Variants in GRM7 observed in about 807,000 individuals in gnomAD.
GRM7 encodes metabotropic glutamate receptor 7.
GRM7 carries 35 observed loss-of-function variants against 84.5 expected under a neutral mutation model. The ratio of observed to expected loss-of-function variants is 0.41; its 90% confidence interval spans 0.32 to 0.55. The LOEUF (loss-of-function observed/expected upper bound fraction) is 0.55, where lower values mean the gene tolerates loss of function less well. GRM7 is among the 20% of genes least tolerant of loss of function. The pLI is 0.19. For missense variants in GRM7, 1,003 were observed against 1,194.6 expected, an observed-to-expected ratio of 0.84 and a Z score of 2.36; for synonymous variants, 487 against 455.1, an observed-to-expected ratio of 1.07 and a Z score of -0.89.
intron 7 of GRM7, among the ~76,000 whole-genome samples, chr3:7,495,600 T>C (rs1338660846): frequency 6.6e-6 from 1 of 152,048 alleles, no homozygotes; most frequent in African/African-American, 2.4e-5. Context: ...AAAAAGAATC[T>C]CAGGGCCAGC....
chr3:7,667,946 A>G (rs963655774), intron 8 of GRM7, among the ~76,000 whole-genome samples: 14 of 152,180 alleles, frequency 9.2e-5, no homozygotes, highest in Non-Finnish European at 1.9e-4. Flanking sequence ...TGAGGAGACA[A>G]TTAGGTGCTA....
rs563349075 is a variant in GRM7, at chr3:7,387,641, T to C, written c.1034-27382T>C. Among the ~76,000 whole-genome samples the C allele has an allele frequency of 5.9e-5, 9 of 152,340 alleles. No individual in the cohort carries two copies. The South Asian group carries it at 8.3e-4, about 14-fold the overall frequency. On this transcript the variant is annotated intron_variant, in intron 4 of 9. Coordinates refer to ENST00000357716, the MANE Select transcript of GRM7 (RefSeq NM_000844.4). Reference sequence around the variant, plus strand: ...GGGGGTCTGTATTCTGTTCCATTGGTCTAAGTGTTTATTTTTGTACCAGTA... The same window carrying C: ...GGGGGTCTGTATTCTGTTCCATTGGCCTAAGTGTTTATTTTTGTACCAGTA...
chr3:7,705,473 T>C (rs563337679), intron 9 of GRM7, among the ~76,000 whole-genome samples: 178 of 152,192 alleles, frequency 1.2e-3, no homozygotes, highest in African/African-American at 3.9e-3. Context: ...GGGACACAGG[T>C]TACCAATTGA....
rs962200795 is a variant in GRM7, at chr3:7,151,081, C to T, written c.736+4413C>T. ...TTAACATAGTTGTATTTCAATTGTT[C>T]TTATAAAGTAATTATTATTATTCAG... On this transcript the variant is annotated intron_variant, in intron 2 of 9. Transcript: ENST00000357716. This position sits in a 1 kb window ranked among gnomAD's most constrained non-coding sequence, Gnocchi z 4.5. 2.6e-5 allele frequency among the ~76,000 whole-genome samples: 4 copies of T among 152,060 alleles called. No homozygotes were observed. The highest frequency in any genetic ancestry group is 5.9e-5 in the Non-Finnish European group (4 of 68,016).
chr3:7,508,412 A>T (rs1700098583), intron 7 of GRM7, among the ~76,000 whole-genome samples: 1 of 152,286 alleles, frequency 6.6e-6, no homozygotes, highest in Middle Eastern at 3.4e-3. Flanking sequence ...AACAAAAATA[A>T]TTTTTTGTCA....
chr3:7,286,478 A>C (rs1171706008), intron 2 of GRM7, among the ~76,000 whole-genome samples: 1 of 152,192 alleles, frequency 6.6e-6, no homozygotes, highest in African/African-American at 2.4e-5. Flanking sequence ...CAGCTACTTC[A>C]AAAGCTTTGG....
At chr3:7,033,243 A>G (rs1696251723) in intron 1 of GRM7, among the ~76,000 whole-genome samples, 4 of 152,064 alleles carry the variant, frequency 2.6e-5, no homozygotes, top group Admixed American at 1.3e-4. Flanking sequence ...GTCCACCTTA[A>G]TCTAGTATAA....
chr3:6,927,272 A>C (rs534640568), intron 1 of GRM7, among the ~76,000 whole-genome samples: 49 of 152,072 alleles, frequency 3.2e-4, no homozygotes, highest in African/African-American at 1.1e-3. Context: ...TACTAAAAAC[A>C]CAAAAATTAG....
At chr3:7,074,385 T>G (rs559283671) in intron 1 of GRM7, among the ~76,000 whole-genome samples, 37 of 152,312 alleles carry the variant, frequency 2.4e-4, no homozygotes, top group African/African-American at 8.7e-4. Flanking sequence ...GGAAACATTC[T>G]ATGTGGGCTG....
chr3:7,545,226 T>C (rs1443627180), intron 7 of GRM7, among the ~76,000 whole-genome samples: 1 of 152,246 alleles, frequency 6.6e-6, no homozygotes, highest in Non-Finnish European at 1.5e-5. Context: ...TTTCAGAGAT[T>C]TATTTTCCTC....
chr3:7,047,124 C>T (rs1206699777), intron 1 of GRM7, among the ~76,000 whole-genome samples: 1 of 151,784 alleles, frequency 6.6e-6, no homozygotes, highest in Non-Finnish European at 1.5e-5. Flanking sequence ...CAAATCTGCC[C>T]CACTACCTGT....
intron 2 of GRM7, among the ~76,000 whole-genome samples, chr3:7,264,888 T>G (rs1292796372): frequency 6.6e-6 from 1 of 152,220 alleles, no homozygotes; most frequent in East Asian, 1.9e-4. Flanking sequence ...CATTACACCT[T>G]CCTGCTATAG....
intron 8 of GRM7, among the ~76,000 whole-genome samples, chr3:7,600,600 T>C (rs1696264018): frequency 6.6e-6 from 1 of 152,104 alleles, no homozygotes; most frequent in Admixed American, 6.6e-5. Flanking sequence ...CTGGTGTTCT[T>C]CTCCTCCTCT....
intron 1 of GRM7, among the ~76,000 whole-genome samples, chr3:6,973,921 TGATAG>T (rs1452661505): frequency 6.6e-6 from 1 of 152,172 alleles, no homozygotes; most frequent in Non-Finnish European, 1.5e-5. Flanking sequence ...TGGCATTATC[TGATAG>T]GCTGGTGTGT....
At chr3:6,962,182 C>G (rs1693328316) in intron 1 of GRM7, among the ~76,000 whole-genome samples, 2 of 152,146 alleles carry the variant, frequency 1.3e-5, no homozygotes, top group African/African-American at 4.8e-5. Flanking sequence ...ACTTGTTTGT[C>G]TACTCCCACC....
Position 7,151,290 on chromosome 3 carries a change from C to T in GRM7, c.736+4622C>T, listed in dbSNP as rs1209154517. ...GGCATGGTGGCATGCACCTGTAATC[C>T]CAGCTACTGGCGAGGCTGAGGCGGG... On this transcript the variant is annotated intron_variant, in intron 2 of 9. Coordinates refer to ENST00000357716, the MANE Select transcript of GRM7 (RefSeq NM_000844.4). The surrounding 1 kb of genome is among the most constrained non-coding windows in gnomAD (Gnocchi z 4.5). Among the ~76,000 whole-genome samples, 1 of 152,022 alleles carries T rather than the reference C, an allele frequency of 6.6e-6. No individual in the cohort carries two copies. Among genetic ancestry groups the T allele is most frequent in the East Asian group, 1.9e-4 (1 of 5,174 alleles).
At chr3:7,452,570 GT>G in intron 5 of GRM7, 36 bp from the exon 6 acceptor site, 1 of 1,225,842 alleles carries the variant, frequency 8.2e-7, no homozygotes, top group Non-Finnish European at 1.2e-6. Flanking sequence ...GTGTGTGTGT[GT>G]GTGTGTGTGT....
At chr3:7,244,200 CTT>C (rs542522049) in intron 2 of GRM7, among the ~76,000 whole-genome samples, 383 of 152,174 alleles carry the variant, frequency 2.5e-3, no homozygotes, top group African/African-American at 8.6e-3. Context: ...ACTTTTAACT[CTT>C]TTAACTTTTT....
intron 8 of GRM7, among the ~76,000 whole-genome samples, chr3:7,631,691 A>G (rs1697866952): frequency 1.3e-5 from 2 of 152,140 alleles, no homozygotes; most frequent in Admixed American, 1.3e-4. Context: ...AGGATATATA[A>G]CAACATCCCA....
Sources: gnomAD v4.1 joint callset for allele counts (sites outside exome capture counted in the v4.1 genomes callset) on GRCh38, gnomAD v4.1.1 for gene constraint, Gnocchi (gnomAD v3.1) non-coding constraint, MANE v1.5 for transcripts, NCBI Gene and HGNC (gene_info 2026-07-23, HGNC 2026-07-21) for gene names.